The following RUNX1T1 variants were observed in gnomAD, a reference collection of about 807,000 sequenced individuals.
RUNX1T1 encodes protein CBFA2T1.
A neutral mutation model predicts 62.8 loss-of-function variants in RUNX1T1; 4 were observed. That is an observed-to-expected ratio of 0.06 (90% CI 0.03 to 0.15). The LOEUF (loss-of-function observed/expected upper bound fraction) is 0.15. Ranked by LOEUF, RUNX1T1 falls within the 10% of genes least tolerant of loss-of-function variation. The pLI is 1.00. For synonymous variants in RUNX1T1, 291 were observed against 286.0 expected (o/e 1.02, Z -0.18); for missense variants, 508 against 754.3 (o/e 0.67, Z 3.82).
chr8:91,961,062 C>T (rs1477751768), intron 10 of RUNX1T1, among the ~76,000 whole-genome samples: 1 of 152,164 alleles, frequency 6.6e-6, no homozygotes, highest in African/African-American at 2.4e-5. Flanking sequence ...GTCCTTTAAC[C>T]TCTCTATGTC....
chr8:92,036,540 A>C (rs533445641), intron 1 of RUNX1T1, among the ~76,000 whole-genome samples: 7 of 152,254 alleles, frequency 4.6e-5, no homozygotes, highest in Admixed American at 4.6e-4. Context: ...CAGCAAGAAA[A>C]ACTGTTGGGA....
intron 1 of RUNX1T1, among the ~76,000 whole-genome samples, chr8:92,080,036 C>G (rs1281528012): frequency 1.3e-5 from 2 of 151,582 alleles, no homozygotes; most frequent in Non-Finnish European, 2.9e-5. Context: ...TTATATTTAG[C>G]ACTACATGAA....
downstream of RUNX1T1, chr8:91,956,003 G>T (rs1043891679): frequency 4.3e-6 from 1 of 230,124 alleles, no homozygotes; most frequent in Non-Finnish European, 8.6e-6. Context: ...AGAGGAGAGG[G>T]GACAAGGCAG....
At chr8:92,034,995 C>T (rs571411755) in intron 1 of RUNX1T1, among the ~76,000 whole-genome samples, 34 of 151,946 alleles carry the variant, frequency 2.2e-4, no homozygotes, top group Non-Finnish European at 4.0e-4. Context: ...AATGGGTACA[C>T]ATGTAACGAA....
chr8:92,069,601 T>C (rs1217978182), intron 2 of RUNX1T1, among the ~76,000 whole-genome samples: 1 of 152,208 alleles, frequency 6.6e-6, no homozygotes, highest in African/African-American at 2.4e-5. Flanking sequence ...CTATTACAAA[T>C]GTTCACTCCA....
At chr8:91,971,492 G>T (rs1429494936) in intron 9 of RUNX1T1, among the ~76,000 whole-genome samples, 3 of 152,100 alleles carry the variant, frequency 2.0e-5, no homozygotes, top group Non-Finnish European at 4.4e-5. Flanking sequence ...TAGTGAAAAG[G>T]TAACTCAGAT....
At chr8:92,034,717 T>TATATATACACAC (rs1826947226) in intron 1 of RUNX1T1, among the ~76,000 whole-genome samples, 1 of 106,750 alleles carries the variant, frequency 9.4e-6, no homozygotes, top group Non-Finnish European at 2.3e-5. Context: ...TATATACACA[T>TATATATACACAC]ATATATACAC....
At chr8:92,047,086 G>A (rs991698118) in intron 1 of RUNX1T1, among the ~76,000 whole-genome samples, 10 of 152,114 alleles carry the variant, frequency 6.6e-5, no homozygotes, top group African/African-American at 1.9e-4. Flanking sequence ...GGGAAGTCCT[G>A]ACAATGGCCT....
intron 2 of RUNX1T1, 77 bp from the exon 4 acceptor site, chr8:92,014,897 T>C: frequency 1.4e-6 from 2 of 1,391,546 alleles, no homozygotes; most frequent in Non-Finnish European, 1.9e-6. Context: ...CCAAGTTTCC[T>C]ACCTTTTACA....
Position 92,027,111 on chromosome 8 carries a change from G to A in RUNX1T1, c.8-9748C>T, listed in dbSNP as rs1317659846. 5.9e-5 allele frequency among the ~76,000 whole-genome samples: 7 copies of A among 117,858 alleles called. No individual in the cohort carries two copies. The South Asian group carries it at 8.3e-4, about 14-fold the overall frequency. The allele number at this position is 117,858 out of a possible 152,430, so 77.3% of individuals were successfully genotyped here. On this transcript the variant is annotated intron_variant, in intron 1 of 10. Coordinates refer to ENST00000396218, the Ensembl canonical transcript of RUNX1T1. ...AGCCTGGGCGACAGAGCGAAACTCC[G>A]TCTCAAAAAAAAAAAAAAAAAAAGA...
intron 4 of RUNX1T1, chr8:92,006,060 C>T (rs923452468): frequency 1.3e-5 from 2 of 151,480 alleles, no homozygotes; most frequent in Admixed American, 1.3e-4. Context: ...GGTCACTCTT[C>T]CTCCTCAGCT....
At chr8:91,970,221 T>C (rs767439111) in intron 10 of RUNX1T1, among the ~76,000 whole-genome samples, 10 of 152,172 alleles carry the variant, frequency 6.6e-5, no homozygotes, top group Admixed American at 1.3e-4. Flanking sequence ...TGTTTTAGCA[T>C]TGGACTTTAG....
intron 9 of RUNX1T1, among the ~76,000 whole-genome samples, chr8:91,973,976 A>G (rs1813381034): frequency 6.6e-6 from 1 of 152,052 alleles, no homozygotes; most frequent in African/African-American, 2.4e-5. Flanking sequence ...ACTGTAGATG[A>G]TAGACACTGT....
chr8:92,024,549 T>TATCCTCCTA (rs1225826375), intron 1 of RUNX1T1, among the ~76,000 whole-genome samples: 1 of 134,418 alleles, frequency 7.4e-6, no homozygotes, highest in African/African-American at 2.9e-5. Context: ...AGCATCAAGA[T>TATCCTCCTA]ATCCTCCTAA....
upstream of RUNX1T1, among the ~76,000 whole-genome samples, chr8:92,102,612 T>C (rs2130959252): frequency 6.6e-6 from 1 of 152,108 alleles, no homozygotes; most frequent in African/African-American, 2.4e-5. This position sits in a 1 kb window ranked among gnomAD's most constrained non-coding sequence, Gnocchi z 4.5. Flanking sequence ...GTGGGGAATA[T>C]AATAGTAAAA....
At chr8:92,085,010 C>T (rs1418140222) in intron 1 of RUNX1T1, among the ~76,000 whole-genome samples, 1 of 152,206 alleles carries the variant, frequency 6.6e-6, no homozygotes, top group African/African-American at 2.4e-5. Flanking sequence ...GAAAAAGCAA[C>T]CCTTTACTGA....
chr8:92,008,638 A>G (rs921945402), intron 4 of RUNX1T1, among the ~76,000 whole-genome samples: 6 of 152,182 alleles, frequency 3.9e-5, no homozygotes, highest in African/African-American at 1.4e-4. Context: ...CAGGCTGGAC[A>G]TCTTGTGTGC....
intron 5 of RUNX1T1, 143 bp from the exon 7 acceptor site, chr8:91,992,032 A>G (rs1817779638): frequency 1.2e-6 from 1 of 843,174 alleles, no homozygotes; most frequent in Admixed American, 2.7e-5. Flanking sequence ...CAGAAAACAT[A>G]CGGGAATTCA....
chr8:91,958,336 T>G (rs1163786308), downstream of RUNX1T1: 1 of 195,546 alleles, frequency 5.1e-6, no homozygotes, highest in East Asian at 7.6e-5. Flanking sequence ...TATACCTTGC[T>G]GAACATGTTT....
Sources: allele counts gnomAD v4.1 joint callset (sites outside exome capture counted in the v4.1 genomes callset), GRCh38; gene constraint gnomAD v4.1.1; non-coding constraint Gnocchi (gnomAD v3.1); transcripts MANE v1.5; gene names NCBI Gene and HGNC (gene_info 2026-07-23, HGNC 2026-07-21).